The following NIPBL variants were observed in gnomAD, a reference collection of about 807,000 sequenced individuals.
NIPBL encodes nipped-B-like protein.
Under a neutral mutation model 321.8 loss-of-function variants are expected in NIPBL, and 19 were observed. The ratio of observed to expected loss-of-function variants is 0.06; its 90% CI spans 0.04 to 0.09. The LOEUF (loss-of-function observed/expected upper bound fraction) is 0.09, where lower values mean the gene tolerates loss of function less well. Ranked by LOEUF, NIPBL falls within the 10% of genes least tolerant of loss-of-function variation. NIPBL has a pLI of 1.00. For missense variants in NIPBL, 2,210 were observed against 3,327.0 expected, an observed-to-expected ratio of 0.66 and a Z score of 8.26; for synonymous variants, 1,106 against 1,114.1, an observed-to-expected ratio of 0.99 and a Z score of 0.14.
At chr5:36,977,619 A>G (rs1201517332) in intron 9 of NIPBL, among the ~76,000 whole-genome samples, 3 of 146,064 alleles carry the variant, frequency 2.1e-5, no homozygotes, top group Non-Finnish European at 3.0e-5. Flanking sequence ...TTTTTTTAAT[A>G]TAGATTCAGG....
chr5:36,983,622 A>G (rs1026321198), intron 9 of NIPBL, among the ~76,000 whole-genome samples: 2 of 152,016 alleles, frequency 1.3e-5, no homozygotes, highest in African/African-American at 4.8e-5. Context: ...TACTCAAGCA[A>G]TTCAGCAAAT....
intron 42 of NIPBL, among the ~76,000 whole-genome samples, 173 bp from the exon 43 acceptor site, chr5:37,057,013 C>T (rs568431204): frequency 5.3e-5 from 8 of 149,846 alleles, no homozygotes; most frequent in South Asian, 2.1e-4. Context: ...TTCTCTCCCT[C>T]CTCCTCTCCC....
chr5:36,926,477 C>A (rs1385899191), intron 1 of NIPBL, among the ~76,000 whole-genome samples: 2 of 152,192 alleles, frequency 1.3e-5, no homozygotes. Context: ...TCATGTGTAG[C>A]ATCTGCATAC....
chr5:37,012,864 T>C (rs56707086), intron 21 of NIPBL, among the ~76,000 whole-genome samples: 3,830 of 152,236 alleles, frequency 0.025, 166 homozygotes, highest in African/African-American at 0.087. Flanking sequence ...CATGTCTACC[T>C]CTTTCTACAC....
chr5:36,994,379 A>G (rs1254789028), intron 10 of NIPBL, among the ~76,000 whole-genome samples: 1 of 152,186 alleles, frequency 6.6e-6, no homozygotes, highest in Non-Finnish European at 1.5e-5. Context: ...AAGTTTCAGA[A>G]GAATAAAAAA....
intron 32 of NIPBL, among the ~76,000 whole-genome samples, chr5:37,031,128 C>A (rs1750967487): frequency 6.6e-6 from 1 of 151,936 alleles, no homozygotes; most frequent in Non-Finnish European, 1.5e-5. Context: ...GAATTACAGG[C>A]ACCCACCACC....
At chr5:37,027,174 TA>T (rs1186283294) in intron 31 of NIPBL, among the ~76,000 whole-genome samples, 184 bp from the exon 32 acceptor site, 5 of 152,220 alleles carry the variant, frequency 3.3e-5, no homozygotes, top group Admixed American at 6.5e-5. Context: ...TTTTCCAAGA[TA>T]TTTTTTAGAA....
At chr5:36,982,324 G>A in intron 9 of NIPBL, 1 of 445,724 alleles carries the variant, frequency 2.2e-6, no homozygotes, top group East Asian at 1.6e-4. Flanking sequence ...AAAGTGGGTG[G>A]ACAAAAGTGA....
chr5:37,003,222 T>C, intron 15 of NIPBL, 39 bp from the exon 16 acceptor site: 1 of 1,176,880 alleles, frequency 8.5e-7, no homozygotes, highest in Non-Finnish European at 1.3e-6. Flanking sequence ...TATATAACTT[T>C]TACCAACGAT....
chr5:37,064,806 G>T lies in NIPBL; in HGVS notation c.8329G>T (p.Ala2777Ser), dbSNP rs200872976. Residue 2777 changes from alanine (A) to serine (S), a missense_variant, in exon 47 of 47, where the codon GCT becomes TCT. This residue lies in a region of NIPBL where 159 missense variants were observed against 319.2 expected (regional missense o/e 0.50). Coordinates refer to ENST00000282516, the MANE Select transcript of NIPBL (RefSeq NM_133433.4). ...GTCAGACATTATTTACAAAAAAATT[G>T]CTCTAACGAGTGCTAATAAGCTGAC... ...KESDIIYKKI[A>S]LTSANKLTNK... The T allele has an allele frequency of 5.6e-5, 90 of 1,614,040 alleles. No individual in the cohort carries two copies. Among genetic ancestry groups the T allele is most frequent in the Non-Finnish European group, 7.4e-5 (87 of 1,180,036 alleles).
chr5:36,971,014 T>G lies in NIPBL; in HGVS notation c.749T>G (p.Met250Arg), dbSNP rs754441425. Residue 250 changes from methionine to arginine, a missense_variant, in exon 7 of 47, where the codon ATG (methionine) becomes AGG (arginine). By Grantham distance (91) the Met-to-Arg change is moderately conservative. Around this residue, in one of 14 missense-constraint regions of NIPBL, gnomAD observed 464 missense variants for 529.5 expected, o/e 0.88. Coordinates refer to ENST00000282516, the MANE Select transcript of NIPBL (RefSeq NM_133433.4). ...GGTTCAAGTGAGGACTACCTACACA[T>G]GGTGCACAGGCTAAGTAGTGACGTA... is the stretch of plus-strand genomic sequence containing the variant. ...RHGSSEDYLH[M>R]VHRLSSDDGD... 6.2e-7 allele frequency: 1 copy of G among 1,613,412 alleles called. No individual in the cohort carries two copies. Among genetic ancestry groups the G allele is most frequent in the Admixed American group, 1.7e-5 (1 of 60,014 alleles).
chr5:36,916,932 GC>G, intron 1 of NIPBL, among the ~76,000 whole-genome samples: 1 of 152,114 alleles, frequency 6.6e-6, no homozygotes. Context: ...CCAAGTCTTT[GC>G]TATTGTGAAT....
chr5:37,008,334 C>T (rs904170694), intron 19 of NIPBL, among the ~76,000 whole-genome samples: 1 of 152,004 alleles, frequency 6.6e-6, no homozygotes, highest in Non-Finnish European at 1.5e-5. Flanking sequence ...GCAAATATTT[C>T]AGCTAATAAT....
chr5:36,930,752 T>G (rs2149571469), intron 1 of NIPBL, among the ~76,000 whole-genome samples: 1 of 152,202 alleles, frequency 6.6e-6, no homozygotes, highest in South Asian at 2.1e-4. Flanking sequence ...AAAATAGTGG[T>G]TGTTGGATTT....
intron 1 of NIPBL, among the ~76,000 whole-genome samples, chr5:36,897,043 C>T (rs920391234): frequency 6.6e-6 from 1 of 151,462 alleles, no homozygotes; most frequent in Non-Finnish European, 1.5e-5. Flanking sequence ...TGCACTGTCA[C>T]CCGGGCTGCA....
chr5:36,985,555 G>C lies in NIPBL; in HGVS notation c.2375G>C (p.Arg792Pro), dbSNP rs376912534. ...HKQDTKSDSP[R>P]LKSERAEALK... is the part of the protein sequence containing the mutation. The stretch of plus-strand genomic sequence containing the variant: ...CAAGATACTAAATCTGACTCACCTC[G>C]GTTAAAATCAGAACGAGCTGAAGCC... The change falls in exon 10 of 47, where the codon CGG becomes CCG. Residue 792 changes from arginine to proline, a missense_variant. Arg to Pro is a moderately radical substitution (Grantham distance 103, BLOSUM62 -2). Transcript: ENST00000282516. 11 of 1,613,656 alleles carry C rather than the reference G, an allele frequency of 6.8e-6. No individual in the cohort carries two copies. Among genetic ancestry groups the C allele is most frequent in the African/African-American group, 2.7e-5 (2 of 74,878 alleles).
chr5:36,962,092 T>C (rs2149607744), intron 5 of NIPBL, 31 bp from the exon 6 acceptor site: 2 of 1,613,366 alleles, frequency 1.2e-6, no homozygotes, highest in Non-Finnish European at 1.7e-6. Flanking sequence ...TTTATTTCCT[T>C]ATATTTTTTT....
At chr5:37,041,835 G>A (rs937837555) in intron 34 of NIPBL, among the ~76,000 whole-genome samples, 1 of 151,314 alleles carries the variant, frequency 6.6e-6, no homozygotes, top group Non-Finnish European at 1.5e-5. Context: ...AAAGAGCCGG[G>A]ATTATAGGCG....
At chr5:36,964,031 A>G (rs890046546) in intron 6 of NIPBL, among the ~76,000 whole-genome samples, 2 of 152,176 alleles carry the variant, frequency 1.3e-5, no homozygotes, top group African/African-American at 2.4e-5. Flanking sequence ...TGTTTTCACA[A>G]AATTAACTTA....
Sources: allele counts gnomAD v4.1 joint callset (sites outside exome capture counted in the v4.1 genomes callset), GRCh38; gene constraint gnomAD v4.1.1; regional missense constraint gnomAD v4.1.1; transcripts MANE v1.5; gene names NCBI Gene and HGNC (gene_info 2026-07-23, HGNC 2026-07-21).